HELZ: variants seen among roughly 807,000 people sequenced by gnomAD.
HELZ encodes ATP-dependent RNA helicase with zinc finger domain.
A neutral mutation model predicts 218.2 loss-of-function variants in HELZ; 23 were observed. That is an observed-to-expected ratio of 0.11 (90% CI 0.08 to 0.15). The LOEUF (loss-of-function observed/expected upper bound fraction) is 0.15, where lower values mean the gene tolerates loss of function less well. HELZ is among the 10% of genes least tolerant of loss of function. The pLI is 1.00. For synonymous variants in HELZ, 814 were observed against 829.4 expected, an observed-to-expected ratio of 0.98 and a Z score of 0.32; for missense variants, 1,813 against 2,353.7, an observed-to-expected ratio of 0.77 and a Z score of 4.75.
At chr17:67,245,220 C>T, upstream of HELZ, 1 of 985,686 alleles carries the variant, frequency 1.0e-6, no homozygotes, top group South Asian at 4.6e-5. Flanking sequence ...TAAGAAAGAG[C>T]CTTTAAAGTG....
chr17:67,125,185 A>G (rs966043588), intron 24 of HELZ, among the ~76,000 whole-genome samples: 10 of 148,554 alleles, frequency 6.7e-5, no homozygotes, highest in African/African-American at 2.5e-4. Context: ...GAAGTCAGAA[A>G]GTCATAAAAA....
At chr17:67,206,923 T>C (rs187397709) in intron 5 of HELZ, among the ~76,000 whole-genome samples, 153 of 149,754 alleles carry the variant, frequency 1.0e-3, no homozygotes, top group African/African-American at 3.5e-3. Context: ...TTTTTTGGGT[T>C]TTTTTTGAGA....
rs1281362025 is a variant in HELZ at position 67,191,694 on chromosome 17, C to T, written c.558-1339G>A. Among the ~76,000 whole-genome samples, 8 of 151,246 alleles carry T rather than the reference C, an allele frequency of 5.3e-5. No homozygotes were observed. In the East Asian group the frequency reaches 1.6e-3, roughly 30 times the overall value. ...CTCGAACTCCTGACCTCAAGTGATC[C>T]ACCTGCCTTGGCCTCCCAAAGAGCT... On this transcript the variant is annotated intron_variant, in intron 9 of 32. Transcript: ENST00000358691.
chr17:67,086,625 A>ATATATATAT, intron 32 of HELZ, among the ~76,000 whole-genome samples: 1 of 38,544 alleles, frequency 2.6e-5, no homozygotes, highest in African/African-American at 1.1e-4. Flanking sequence ...AATAAATATA[A>ATATATATAT]ATATAAATAT....
intron 2 of HELZ, among the ~76,000 whole-genome samples, chr17:67,239,974 C>T (rs1186925201): frequency 2.0e-5 from 3 of 152,192 alleles, no homozygotes; most frequent in South Asian, 2.1e-4. Flanking sequence ...AGTAAATATA[C>T]TGTGCAGCTT....
At chr17:67,097,410 G>C (rs1032725020) in intron 31 of HELZ, among the ~76,000 whole-genome samples, 15 of 152,194 alleles carry the variant, frequency 9.9e-5, no homozygotes, top group African/African-American at 3.1e-4. Flanking sequence ...ATAAAACAAG[G>C]CATGCCCATA....
intron 25 of HELZ, 126 bp downstream of exon 25, chr17:67,123,837 G>GTGTGTGTGTA (rs1598273368): frequency 4.1e-6 from 3 of 728,684 alleles, no homozygotes; most frequent in East Asian, 5.1e-5. Flanking sequence ...GTGTGTGTGT[G>GTGTGTGTGTA]TGTGTGTGTC....
intron 3 of HELZ, among the ~76,000 whole-genome samples, chr17:67,237,269 A>G (rs1159832118): frequency 6.6e-6 from 1 of 152,166 alleles, no homozygotes; most frequent in Non-Finnish European, 1.5e-5. Context: ...TGGGCGACAG[A>G]GTGAGACTCT....
chr17:67,224,516 T>G (rs1404770012), intron 3 of HELZ: 1 of 308,696 alleles, frequency 3.2e-6, no homozygotes, highest in East Asian at 7.6e-5. Context: ...TTAGATAATC[T>G]GATCAGTACC....
At chr17:67,179,609 G>A (rs1272839493) in intron 12 of HELZ, 1 of 152,154 alleles carries the variant, frequency 6.6e-6, no homozygotes, top group East Asian at 1.9e-4. Context: ...GGGAAAAAAA[G>A]TAGCACAATA....
intron 21 of HELZ, among the ~76,000 whole-genome samples, chr17:67,143,799 AATG>A (rs2038409686): frequency 6.6e-6 from 1 of 152,220 alleles, no homozygotes; most frequent in Non-Finnish European, 1.5e-5. Flanking sequence ...CACAATTTCA[AATG>A]ATGTACAAAG....
Position 67,203,550 on chromosome 17 carries a change from G to A in HELZ, c.248-107C>T, listed in dbSNP as rs911348370. 7 of 1,298,978 alleles carry A rather than the reference G, an allele frequency of 5.4e-6. No homozygotes were observed. The African/African-American group carries it at 5.9e-5, about 11-fold the overall frequency. The allele number at this position is 1,298,978 out of a possible 1,614,324, so 80.5% of individuals were successfully genotyped here. On this transcript the variant is annotated intron_variant, in intron 5 of 32. Coordinates refer to ENST00000358691, the MANE Select transcript of HELZ (RefSeq NM_014877.4). ...AAGCGTGGCTTTTTATATGCTAAAA[G>A]AGTAACTTCAAATACTCTAGAGGGA...
intron 3 of HELZ, among the ~76,000 whole-genome samples, chr17:67,232,365 G>A (rs566164182): frequency 2.4e-4 from 37 of 152,236 alleles, no homozygotes; most frequent in Non-Finnish European, 5.0e-4. Flanking sequence ...TGTCGGCCAG[G>A]CCGGTCTCCA....
intron 27 of HELZ, among the ~76,000 whole-genome samples, chr17:67,117,920 G>A (rs996350169): frequency 3.3e-5 from 5 of 152,018 alleles, no homozygotes; most frequent in South Asian, 2.1e-4. Flanking sequence ...TATATACTCC[G>A]TTCAAAGATC....
chr17:67,096,854 CT>C (rs2036764105), intron 31 of HELZ, among the ~76,000 whole-genome samples: 1 of 152,250 alleles, frequency 6.6e-6, no homozygotes, highest in Admixed American at 6.5e-5. Context: ...TGTATATTCA[CT>C]GAAGTAGCAC....
chr17:67,184,475 TTC>T (rs2039697771), intron 12 of HELZ, among the ~76,000 whole-genome samples: 1 of 151,964 alleles, frequency 6.6e-6, no homozygotes, highest in Non-Finnish European at 1.5e-5. Flanking sequence ...CAATAAATAT[TTC>T]CCACTGAGAA....
chr17:67,083,978 A>G (rs2036277075), intron 32 of HELZ, among the ~76,000 whole-genome samples: 1 of 152,264 alleles, frequency 6.6e-6, no homozygotes, highest in South Asian at 2.1e-4. Context: ...ATCAAACACA[A>G]TCATCTTTTT....
In HELZ at chr17:67,160,244, A is replaced by G. The variant is rs1436474046; in HGVS notation, c.2177+17T>C. 1 of 1,372,328 alleles carries G rather than the reference A, an allele frequency of 7.3e-7. No homozygotes were observed. Among genetic ancestry groups the G allele is most frequent in the South Asian group, 1.2e-5 (1 of 86,006 alleles). 85.0% of individuals were successfully genotyped at this position (1,372,328 alleles called of 1,614,324 possible). On this transcript the variant is annotated intron_variant, in intron 17 of 32. Transcript: ENST00000358691. ...TAAAGTATGATACAGATACATAATA[A>G]GCCTTAAAAAAAATACCTGAGAGGT...
chr17:67,140,121 C>T (rs1026319343), intron 21 of HELZ, among the ~76,000 whole-genome samples: 2 of 152,220 alleles, frequency 1.3e-5, no homozygotes, highest in African/African-American at 4.8e-5. Context: ...ATCCCAACCT[C>T]CCCTGATGTG....
Sources: gnomAD v4.1 joint callset for allele counts (sites outside exome capture counted in the v4.1 genomes callset) on GRCh38, gnomAD v4.1.1 for gene constraint, MANE v1.5 for transcripts, NCBI Gene and HGNC (gene_info 2026-07-23, HGNC 2026-07-21) for gene names.